Variants in OR3A2 observed in about 807,000 individuals in gnomAD.
The protein encoded by OR3A2 is olfactory receptor 3A2.
For synonymous variants in OR3A2, 126 were observed against 159.3 expected (o/e 0.79, Z 1.57); for missense variants, 318 against 392.8 (o/e 0.81, Z 1.61).
chr17:3,362,595 A>C (rs1255570965), intron 2 of OR3A2, among the ~76,000 whole-genome samples: 7 of 151,662 alleles, frequency 4.6e-5, no homozygotes, highest in Admixed American at 1.3e-4. Context: ...TTAAATGTGT[A>C]CCACAGATTC....
chr17:3,317,974 G>C (rs1567552580), intron 3 of OR3A2, among the ~76,000 whole-genome samples: 1 of 151,930 alleles, frequency 6.6e-6, no homozygotes, highest in Non-Finnish European at 1.5e-5. Context: ...TTAATCTCTT[G>C]GGATCCACAC....
upstream of OR3A2, among the ~76,000 whole-genome samples, chr17:3,285,277 G>A (rs1300075420): frequency 6.6e-6 from 1 of 152,050 alleles, no homozygotes; most frequent in Non-Finnish European, 1.5e-5. Context: ...CTCCCACCAG[G>A]GAGTTGTGGT....
intron 3 of OR3A2, among the ~76,000 whole-genome samples, chr17:3,312,969 A>G (rs549992148): frequency 6.6e-6 from 1 of 152,318 alleles, no homozygotes; most frequent in Admixed American, 6.5e-5. Flanking sequence ...TATGTTGGAC[A>G]TTCTGTTTAA....
intron 3 of OR3A2, chr17:3,292,515 G>A (rs778267515): frequency 2.7e-5 from 44 of 1,613,770 alleles, no homozygotes; most frequent in South Asian, 2.6e-4. Context: ...CAGCCCTGGC[G>A]CCTCCAGCAA....
intron 2 of OR3A2, among the ~76,000 whole-genome samples, chr17:3,371,240 G>A (rs1157331803): frequency 2.6e-5 from 4 of 151,140 alleles, no homozygotes; most frequent in Non-Finnish European, 4.4e-5. Context: ...CTGGCCAGGC[G>A]AGGGGCTGAC....
chr17:3,365,499 T>C lies in OR3A2; in HGVS notation c.-179+18305A>G, dbSNP rs117511898. The stretch of plus-strand genomic sequence containing the variant: ...TCAGCTGGGATAATGGAGGCTATGC[T>C]GAGGTAACAAATTAACTTCATAATC... On this transcript the variant is annotated intron_variant, in intron 2 of 4. Coordinates refer to the OR3A2 transcript ENST00000573491. Among the ~76,000 whole-genome samples the C allele has an allele frequency of 5.5e-3, 833 of 152,318 alleles. 4 individuals carry two copies. The highest frequency in any genetic ancestry group is 8.0e-3 in the Non-Finnish European group (543 of 68,020).
intron 3 of OR3A2, among the ~76,000 whole-genome samples, chr17:3,312,588 G>A (rs28628426): frequency 0.15 from 22,930 of 151,998 alleles, 2,269 homozygotes; most frequent in African/African-American, 0.28. Flanking sequence ...ATGTATCACT[G>A]TATGTTCCCT....
intron 2 of OR3A2, among the ~76,000 whole-genome samples, chr17:3,340,745 C>T (rs915056688): frequency 0.012 from 2 of 168 alleles, no homozygotes; most frequent in Middle Eastern, 0.5. Context: ...ATTCTGTTGA[C>T]TTGGGGTGGG....
chr17:3,349,624 G>A (rs568499356), intron 2 of OR3A2, among the ~76,000 whole-genome samples: 1,975 of 151,894 alleles, frequency 0.013, 31 homozygotes, highest in African/African-American at 0.044. Flanking sequence ...ACAGATCAAC[G>A]AGACAGAAAG....
chr17:3,320,261 G>T (rs1350145518), intron 3 of OR3A2, among the ~76,000 whole-genome samples: 4 of 151,354 alleles, frequency 2.6e-5, no homozygotes, highest in Non-Finnish European at 5.9e-5. Context: ...TGAGTTCATT[G>T]TAGATTCTGG....
upstream of OR3A2, among the ~76,000 whole-genome samples, chr17:3,286,789 G>C (rs192214277): frequency 6.6e-6 from 1 of 152,170 alleles, no homozygotes; most frequent in East Asian, 1.9e-4. Context: ...TTGTAAATTT[G>C]TTTAAGTTCT....
intron 2 of OR3A2, among the ~76,000 whole-genome samples, chr17:3,364,273 A>G (rs1195826938): frequency 1.3e-5 from 2 of 152,234 alleles, no homozygotes; most frequent in Non-Finnish European, 2.9e-5. Context: ...ATGTTTTGAT[A>G]CACGTATACA....
intron 2 of OR3A2, among the ~76,000 whole-genome samples, chr17:3,346,233 T>C (rs1203875593): frequency 2.6e-5 from 4 of 152,204 alleles, no homozygotes; most frequent in African/African-American, 7.2e-5. Flanking sequence ...GTGTGGTATA[T>C]ATACTATATT....
intron 2 of OR3A2, among the ~76,000 whole-genome samples, chr17:3,379,100 T>A (rs1370407042): frequency 6.6e-6 from 1 of 152,154 alleles, no homozygotes; most frequent in Non-Finnish European, 1.5e-5. Flanking sequence ...GGACCCCATA[T>A]GCTGAGTAAA....
intron 3 of OR3A2, among the ~76,000 whole-genome samples, chr17:3,320,386 G>T (rs1480062848): frequency 6.8e-6 from 1 of 146,562 alleles, no homozygotes; most frequent in Non-Finnish European, 1.5e-5. Context: ...AGTTTAATTA[G>T]ATCCCATTTG....
chr17:3,280,407 G>A (rs1208427698), intron 1 of OR3A2, among the ~76,000 whole-genome samples: 1 of 151,974 alleles, frequency 6.6e-6, no homozygotes, highest in Non-Finnish European at 1.5e-5. Context: ...GAATAGCTGG[G>A]ACTACAGGCG....
At chr17:3,332,367 C>T (rs1273656838) in intron 3 of OR3A2, among the ~76,000 whole-genome samples, 9 of 152,232 alleles carry the variant, frequency 5.9e-5, no homozygotes, top group Non-Finnish European at 8.8e-5. Context: ...AGCGAGACTC[C>T]GTGGGCGTAG....
chr17:3,315,347 C>T (rs1473005797), intron 3 of OR3A2, among the ~76,000 whole-genome samples: 1 of 152,178 alleles, frequency 6.6e-6, no homozygotes, highest in African/African-American at 2.4e-5. Flanking sequence ...TTGCCAGCAT[C>T]TGTTGCTTGT....
At chr17:3,314,102 A>C (rs7218044) in intron 3 of OR3A2, among the ~76,000 whole-genome samples, 23,054 of 152,252 alleles carry the variant, frequency 0.15, 2,323 homozygotes, top group African/African-American at 0.28. Flanking sequence ...TGTGCATGAA[A>C]TGCAATATCA....
Sources: allele counts gnomAD v4.1 joint callset (sites outside exome capture counted in the v4.1 genomes callset), GRCh38; gene constraint gnomAD v4.1.1; transcripts MANE v1.5; gene names NCBI Gene and HGNC (gene_info 2026-07-23, HGNC 2026-07-21).